Variants in ABI3BP observed in about 807,000 individuals in gnomAD.
ABI3BP encodes the protein ABI family member 3 binding protein.
A neutral mutation model predicts 268.6 loss-of-function variants in ABI3BP; 216 were observed. That is an observed-to-expected ratio of 0.80 (90% CI 0.72 to 0.90). ABI3BP has a LOEUF of 0.90. Among genes scored for constraint, ABI3BP ranks in the 40% least tolerant of loss-of-function variants. The pLI, the probability that ABI3BP is intolerant of heterozygous loss-of-function variation, is 0.00. For missense variants in ABI3BP, 2,090 were observed against 2,182.4 expected (o/e 0.96, Z 0.84); for synonymous variants, 730 against 730.0 (o/e 1.00, Z 0.00).
At chr3:100,825,254 A>G (rs1238992297) in intron 35 of ABI3BP, among the ~76,000 whole-genome samples, 1 of 152,146 alleles carries the variant, frequency 6.6e-6, no homozygotes, top group Non-Finnish European at 1.5e-5. Context: ...ATAGGAAGTT[A>G]GAGTCACATT....
At chr3:100,830,526 G>A (rs1253409935) in intron 32 of ABI3BP, 52 bp downstream of exon 32, 8 of 1,452,176 alleles carry the variant, frequency 5.5e-6, no homozygotes, top group Middle Eastern at 1.7e-4. Context: ...GTGATGAATG[G>A]GTTTGAAATG....
At chr3:100,851,174 G>C (rs2098833507) in intron 15 of ABI3BP, among the ~76,000 whole-genome samples, 1 of 152,208 alleles carries the variant, frequency 6.6e-6, no homozygotes, top group East Asian at 1.9e-4. Context: ...TACTCCCTTT[G>C]AATCTCCTAC....
chr3:100,991,417 A>G, intron 1 of ABI3BP, among the ~76,000 whole-genome samples: 1 of 152,190 alleles, frequency 6.6e-6, no homozygotes. Context: ...AGTGTGAGAA[A>G]CAAAAAGTTG....
At chr3:100,920,980 C>CT (rs1053081977) in intron 2 of ABI3BP, among the ~76,000 whole-genome samples, 1 of 152,108 alleles carries the variant, frequency 6.6e-6, no homozygotes, top group Admixed American at 6.5e-5. Flanking sequence ...TTGTCCAGGA[C>CT]TTTTTTCAGC....
chr3:100,975,939 G>A (rs191100761), intron 1 of ABI3BP, among the ~76,000 whole-genome samples: 70 of 152,258 alleles, frequency 4.6e-4, no homozygotes, highest in East Asian at 1.3e-3. Context: ...CTGACTGGCC[G>A]AGGAACTGGC....
intron 17 of ABI3BP, among the ~76,000 whole-genome samples, chr3:100,849,147 A>G (rs2098809868): frequency 6.6e-6 from 1 of 152,096 alleles, no homozygotes; most frequent in South Asian, 2.1e-4. Context: ...ATTTCAGAAC[A>G]CAAGGTACAA....
intron 38 of ABI3BP, among the ~76,000 whole-genome samples, chr3:100,821,668 T>C (rs528569326): frequency 6.7e-6 from 1 of 148,834 alleles, no homozygotes; most frequent in Admixed American, 6.8e-5. Flanking sequence ...AGTGGCGCGA[T>C]CTCGGCTCAC....
chr3:100,934,368 T>C (rs1316536875), intron 1 of ABI3BP, among the ~76,000 whole-genome samples: 2 of 152,070 alleles, frequency 1.3e-5, no homozygotes, highest in African/African-American at 2.4e-5. Flanking sequence ...ACATTTTCCT[T>C]ATCCAGTCTA....
At chr3:100,971,101 A>C (rs1424527814) in intron 1 of ABI3BP, among the ~76,000 whole-genome samples, 2 of 152,212 alleles carry the variant, frequency 1.3e-5, no homozygotes, top group African/African-American at 4.8e-5. Flanking sequence ...AATATACAGC[A>C]TTCCTCAGCA....
intron 51 of ABI3BP, 30 bp from the exon 52 acceptor site, chr3:100,796,498 T>C (rs2097349688): frequency 6.5e-7 from 1 of 1,547,726 alleles, no homozygotes; most frequent in East Asian, 2.3e-5. Flanking sequence ...AAACACTGCA[T>C]ACTCTAAATA....
At chr3:100,883,716 T>A (rs1256589455) in intron 6 of ABI3BP, among the ~76,000 whole-genome samples, 5 of 152,058 alleles carry the variant, frequency 3.3e-5, no homozygotes, top group Non-Finnish European at 7.4e-5. Context: ...GGGAAAGAAA[T>A]CTGACCATAG....
Position 100,787,783 on chromosome 3 carries a change from T to A in ABI3BP, c.4107A>T (p.Thr1369=). 1 of 1,531,590 alleles carries A rather than the reference T, an allele frequency of 6.5e-7. No homozygotes were observed. Among genetic ancestry groups the A allele is most frequent in the Non-Finnish European group, 8.7e-7 (1 of 1,144,606 alleles). 94.9% of individuals were successfully genotyped at this position (1,531,590 alleles called of 1,614,324 possible). A position where few individuals can be genotyped will look rare whatever the true frequency, so the allele number is the denominator to read the frequency against. The part of the protein sequence containing the change: ...HIRPVLNRTT[T]RPTRPKPSGM... ...CACTGGGTTTGGGCCTAGTAGGTCTTGTAGTTGTCCTATTCAGAACTAAAA... is the reference window on the plus strand; with the variant it reads ...CACTGGGTTTGGGCCTAGTAGGTCTAGTAGTTGTCCTATTCAGAACTAAAA... The change falls in exon 57 of 68, where the codon ACA becomes ACT. Residue 1369 remains threonine, a synonymous_variant. Coordinates refer to ENST00000471714, the MANE Select transcript of ABI3BP (RefSeq NM_001375547.2).
At chr3:100,808,129 T>C (rs1313987932) in intron 50 of ABI3BP, 32 bp downstream of exon 50, 1 of 1,592,084 alleles carries the variant, frequency 6.3e-7, no homozygotes, top group Non-Finnish European at 8.6e-7. Context: ...AACCTCAAAC[T>C]TTTCAAGCTA....
rs2096669089 is a variant in ABI3BP, at chr3:100,775,348, G to A, written c.4334-13C>T. 1 of 1,594,656 alleles carries A rather than the reference G, an allele frequency of 6.3e-7. No homozygotes were observed. Among genetic ancestry groups the A allele is most frequent in the Non-Finnish European group, 8.5e-7 (1 of 1,169,682 alleles). On this transcript the variant is annotated splice_polypyrimidine_tract_variant and intron_variant, in intron 59 of 67. Coordinates refer to ENST00000471714, the MANE Select transcript of ABI3BP (RefSeq NM_001375547.2). The stretch of plus-strand genomic sequence containing the variant: ...GATGAAATGATTCCTGTAAAGTAGA[G>A]CCAAAGTAGTCAGGCTTTATAGGAA...
At chr3:100,941,007 A>T (rs1309596485) in intron 1 of ABI3BP, among the ~76,000 whole-genome samples, 1 of 150,504 alleles carries the variant, frequency 6.6e-6, no homozygotes, top group Non-Finnish European at 1.5e-5. Context: ...ATAAAGCAAG[A>T]TTTGTATAAA....
chr3:100,957,780 C>T (rs2077334838), intron 1 of ABI3BP, among the ~76,000 whole-genome samples: 1 of 152,228 alleles, frequency 6.6e-6, no homozygotes. Flanking sequence ...GTTCCGCCTG[C>T]TCACAGCTCA....
intron 51 of ABI3BP, among the ~76,000 whole-genome samples, chr3:100,801,732 G>GA (rs1325049906): frequency 6.6e-6 from 1 of 152,058 alleles, no homozygotes; most frequent in African/African-American, 2.4e-5. Flanking sequence ...TCCTTAAGGG[G>GA]AAAAATAAGA....
At chr3:100,789,419 T>C in intron 56 of ABI3BP, 35 bp downstream of exon 56, 1 of 1,576,010 alleles carries the variant, frequency 6.3e-7, no homozygotes, top group East Asian at 2.3e-5. Flanking sequence ...TTCCCCTGCC[T>C]GCTGATTATT....
intron 1 of ABI3BP, among the ~76,000 whole-genome samples, chr3:100,977,524 G>A (rs906406318): frequency 1.3e-5 from 2 of 152,176 alleles, no homozygotes; most frequent in African/African-American, 2.4e-5. Flanking sequence ...ATATAGGCAC[G>A]AAATCTAAGC....
Sources: gnomAD v4.1 joint callset for allele counts (sites outside exome capture counted in the v4.1 genomes callset) on GRCh38, gnomAD v4.1.1 for gene constraint, MANE v1.5 for transcripts, NCBI Gene and HGNC (gene_info 2026-07-23, HGNC 2026-07-21) for gene names.